Variants in NEK7 observed in about 807,000 individuals in gnomAD.
NEK7 encodes the protein NIMA related kinase 7, also known as serine/threonine-protein kinase Nek7.
A neutral mutation model predicts 44.6 loss-of-function variants in NEK7; 18 were observed. The observed-to-expected ratio is 0.40, with a 90% confidence interval of 0.28 to 0.60. The LOEUF (loss-of-function observed/expected upper bound fraction) is 0.60. NEK7 is among the 20% of genes least tolerant of loss of function. The probability of loss-of-function intolerance (pLI) is 0.38; values close to 1 mark genes in which losing one functional copy is unlikely to be tolerated. For missense variants in NEK7, 256 were observed against 366.5 expected, an observed-to-expected ratio of 0.70 and a Z score of 2.46; for synonymous variants, 130 against 121.1, an observed-to-expected ratio of 1.07 and a Z score of -0.48.
Position 198,231,299 on chromosome 1 carries a change from G to GTATATATATATA in NEK7, c.-28-1253_-28-1252insATATATATATAT, listed in dbSNP as rs1375044919. Among the ~76,000 whole-genome samples the GTATATATATATA allele has an allele frequency of 3.9e-3, 380 of 98,088 alleles. 4 individuals carry two copies. Among genetic ancestry groups the GTATATATATATA allele is most frequent in the African/African-American group, 0.015 (337 of 23,102 alleles). The allele number at this position is 98,088 out of a possible 152,430, so 64.3% of individuals were successfully genotyped here. On this transcript the variant is annotated intron_variant, in intron 1 of 9. Coordinates refer to ENST00000367385, the MANE Select transcript of NEK7 (RefSeq NM_133494.3). ...TGTGTGTATATACGTGTATGTGTGTGTGTATATATATATATATATATATAT... is the reference window on the plus strand; with the variant it reads ...TGTGTGTATATACGTGTATGTGTGTGTATATATATATATGTATATATATATATATATATATAT...
intron 1 of NEK7, among the ~76,000 whole-genome samples, chr1:198,218,747 A>C (rs1302704476): frequency 6.7e-6 from 1 of 148,490 alleles, no homozygotes; most frequent in Non-Finnish European, 1.5e-5. Context: ...CAAAAAAAAA[A>C]AGCATGAATA....
intron 1 of NEK7, among the ~76,000 whole-genome samples, chr1:198,174,423 G>T (rs912355200): frequency 6.6e-6 from 1 of 152,020 alleles, no homozygotes; most frequent in Non-Finnish European, 1.5e-5. Context: ...TTGTGTACGT[G>T]GGGAGGTGGG....
chr1:198,269,567 T>A (rs539852490), intron 5 of NEK7, among the ~76,000 whole-genome samples: 1 of 152,118 alleles, frequency 6.6e-6, no homozygotes, highest in Admixed American at 6.6e-5. Flanking sequence ...GATTCATTTC[T>A]TTTTAGTGAG....
intron 3 of NEK7, among the ~76,000 whole-genome samples, chr1:198,257,998 G>C (rs1315777458): frequency 6.6e-6 from 1 of 152,108 alleles, no homozygotes; most frequent in East Asian, 1.9e-4. Context: ...TAGCCAAAAA[G>C]GAAATGACCA....
At position 198,271,925 on chromosome 1, in the gene NEK7, A is replaced by ATAT. The variant is rs1558088708; in HGVS notation, c.373-6036_373-6035insTAT. On this transcript the variant is annotated intron_variant, in intron 5 of 9. Transcript: ENST00000367385. ...ATATTTTATATATATATATATATAT[A>ATAT]CACACACACACACACACATAGATAC... is the stretch of plus-strand genomic sequence containing the variant. 4.2e-3 allele frequency among the ~76,000 whole-genome samples: 571 copies of ATAT among 135,750 alleles called. 1 individual carries two copies. Among genetic ancestry groups the ATAT allele is most frequent in the African/African-American group, 0.014 (531 of 37,320 alleles). 89.1% of individuals were successfully genotyped at this position (135,750 alleles called of 152,430 possible).
chr1:198,161,840 A>T (rs1664115755), intron 1 of NEK7, among the ~76,000 whole-genome samples: 1 of 152,060 alleles, frequency 6.6e-6, no homozygotes, highest in East Asian at 1.9e-4. Flanking sequence ...TACTAGACAA[A>T]GAAACATACC....
chr1:198,217,735 A>G (rs1665963122), intron 1 of NEK7, among the ~76,000 whole-genome samples: 1 of 151,774 alleles, frequency 6.6e-6, no homozygotes. Context: ...TGAATTAAGT[A>G]TCAGGTTACA....
chr1:198,196,042 G>C (rs1013367899), intron 1 of NEK7, among the ~76,000 whole-genome samples: 2 of 152,078 alleles, frequency 1.3e-5, no homozygotes, highest in Non-Finnish European at 2.9e-5. Context: ...TTTGGTCTTA[G>C]TATGATGATT....
At chr1:198,262,737 C>T in intron 4 of NEK7, 100 bp downstream of exon 4, 1 of 574,514 alleles carries the variant, frequency 1.7e-6, no homozygotes, top group Non-Finnish European at 3.0e-6. Context: ...AAGACTTATG[C>T]TACACTGATT....
intron 2 of NEK7, among the ~76,000 whole-genome samples, chr1:198,236,971 T>C (rs1666558451): frequency 6.6e-6 from 1 of 152,188 alleles, no homozygotes; most frequent in African/African-American, 2.4e-5. Context: ...AATTAAGCTC[T>C]CTACCACACT....
intron 5 of NEK7, among the ~76,000 whole-genome samples, chr1:198,273,488 CCTAT>C (rs750873590): frequency 5.3e-5 from 8 of 151,624 alleles, no homozygotes; most frequent in African/African-American, 9.7e-5. Flanking sequence ...CCAGAAGCAT[CCTAT>C]CTTTTTCATC....
chr1:198,254,851 G>C (rs911402531), intron 3 of NEK7, among the ~76,000 whole-genome samples: 2 of 152,110 alleles, frequency 1.3e-5, no homozygotes, highest in Non-Finnish European at 2.9e-5. Flanking sequence ...CACAATATGG[G>C]ATGTAGTTAT....
At chr1:198,255,976 T>C (rs1653249780) in intron 3 of NEK7, among the ~76,000 whole-genome samples, 1 of 152,168 alleles carries the variant, frequency 6.6e-6, no homozygotes, top group Non-Finnish European at 1.5e-5. Flanking sequence ...TTTTATAATA[T>C]TGCTGACCAA....
chr1:198,183,948 T>C (rs1279974632), intron 1 of NEK7, among the ~76,000 whole-genome samples: 3 of 152,354 alleles, frequency 2.0e-5, no homozygotes, highest in Non-Finnish European at 2.9e-5. Context: ...TAACAAATAT[T>C]GTAAGTGGAT....
intron 1 of NEK7, among the ~76,000 whole-genome samples, chr1:198,199,317 T>C (rs923710318): frequency 3.3e-5 from 5 of 152,040 alleles, no homozygotes; most frequent in Non-Finnish European, 5.9e-5. Context: ...TGACCAGTCA[T>C]TGGATGCAGC....
At chr1:198,178,622 C>T (rs1664670898) in intron 1 of NEK7, among the ~76,000 whole-genome samples, 1 of 152,060 alleles carries the variant, frequency 6.6e-6, no homozygotes. Context: ...AAGAAACCAA[C>T]TTGACTTTAT....
intron 7 of NEK7, among the ~76,000 whole-genome samples, chr1:198,286,145 C>T (rs1654361666): frequency 6.6e-6 from 1 of 152,082 alleles, no homozygotes; most frequent in South Asian, 2.1e-4. Context: ...ACTTATCAAG[C>T]TTCAAATACT....
intron 7 of NEK7, 146 bp downstream of exon 7, chr1:198,279,207 C>CTGTAAGAGG: frequency 4.5e-6 from 2 of 441,968 alleles, no homozygotes; most frequent in South Asian, 7.8e-5. Flanking sequence ...CTGCAACTCT[C>CTGTAAGAGG]TATTAGGTAT....
At chr1:198,210,428 G>A (rs913503099) in intron 1 of NEK7, among the ~76,000 whole-genome samples, 4 of 152,046 alleles carry the variant, frequency 2.6e-5, no homozygotes, top group African/African-American at 9.7e-5. Flanking sequence ...TCTATTTTAT[G>A]TATTTGCTGT....
Sources: allele counts gnomAD v4.1 joint callset (sites outside exome capture counted in the v4.1 genomes callset), GRCh38; gene constraint gnomAD v4.1.1; transcripts MANE v1.5; gene names NCBI Gene and HGNC (gene_info 2026-07-23, HGNC 2026-07-21).